The following RPP30 variants were observed in gnomAD, a reference collection of about 807,000 sequenced individuals.
RPP30 encodes ribonuclease P protein subunit p30.
Under a neutral mutation model 38.6 loss-of-function variants are expected in RPP30, and 36 were observed. The observed-to-expected ratio is 0.93, with a 90% confidence interval of 0.71 to 1.23. The LOEUF is 1.23. Among genes scored for constraint, RPP30 ranks in the 50% most tolerant of loss-of-function variants. The probability of loss-of-function intolerance (pLI) is 0.00; values close to 1 mark genes in which losing one functional copy is unlikely to be tolerated. For synonymous variants in RPP30, 126 were observed against 112.7 expected, an observed-to-expected ratio of 1.12 and a Z score of -0.75; for missense variants, 321 against 321.7, an observed-to-expected ratio of 1.00 and a Z score of 0.02.
downstream of RPP30, among the ~76,000 whole-genome samples, chr10:90,906,963 C>T (rs186781442): frequency 2.8e-4 from 42 of 152,272 alleles, no homozygotes; most frequent in Admixed American, 1.9e-3. Context: ...TTTCCCCCAA[C>T]GTGTTTATCT....
chr10:90,885,077 A>T (rs1846980553), intron 5 of RPP30, among the ~76,000 whole-genome samples: 2 of 151,950 alleles, frequency 1.3e-5, no homozygotes, highest in Admixed American at 1.3e-4. Context: ...ATTTATCCTG[A>T]TTTTCTTATC....
chr10:90,875,572 A>G lies in RPP30; in HGVS notation c.153A>G (p.Pro51=). Residue 51 remains proline (P), a synonymous_variant, in exon 3 of 11, where the codon CCA becomes CCG. Transcript: ENST00000371703. ...GTTTGTTGTAGGAAATTGAAAAACCAGTAGCTGTTTCTGAACTCTTCACAA... is the reference window on the plus strand; with the variant it reads ...GTTTGTTGTAGGAAATTGAAAAACCGGTAGCTGTTTCTGAACTCTTCACAA... The part of the protein sequence containing the change: ...FKEKKQEIEK[P]VAVSELFTTL... 1 of 1,613,550 alleles carries G rather than the reference A, an allele frequency of 6.2e-7. No homozygotes were observed. Among genetic ancestry groups the G allele is most frequent in the Non-Finnish European group, 8.5e-7 (1 of 1,179,582 alleles).
In RPP30 at chr10:90,894,759, T is replaced by C. The variant is rs1484587760; in HGVS notation, c.433-16T>C. The C allele has an allele frequency of 6.3e-7, 1 of 1,584,440 alleles. No individual in the cohort carries two copies. Among genetic ancestry groups the C allele is most frequent in the Admixed American group, 1.7e-5 (1 of 59,758 alleles). The stretch of plus-strand genomic sequence containing the variant: ...TGCATGCTTATCTCTGACAGTTCTC[T>C]TTATTTCCTGTGAAGGCGATTGACC... On this transcript the variant is annotated splice_polypyrimidine_tract_variant and intron_variant, in intron 6 of 10. Transcript: ENST00000371703.
intron 1 of RPP30, among the ~76,000 whole-genome samples, chr10:90,873,648 C>T (rs192816383): frequency 2.6e-5 from 4 of 152,180 alleles, no homozygotes; most frequent in Admixed American, 6.5e-5. Flanking sequence ...TTCTGTAGAA[C>T]GGTAGGGACA....
chr10:90,891,581 G>A (rs1328488222), intron 6 of RPP30, among the ~76,000 whole-genome samples: 6 of 152,156 alleles, frequency 3.9e-5, no homozygotes, highest in Admixed American at 6.5e-5. Context: ...ACCACCCAAA[G>A]GCTCTCAGTA....
downstream of RPP30, chr10:90,903,113 TAAC>T (rs1847221119): frequency 1.0e-5 from 8 of 766,912 alleles, no homozygotes. Flanking sequence ...ATGAGAAGGA[TAAC>T]AAATTTGGGG....
At chr10:90,874,831 GT>G in intron 1 of RPP30, 37 bp from the exon 2 acceptor site, 1 of 1,447,418 alleles carries the variant, frequency 6.9e-7, no homozygotes, top group Non-Finnish European at 9.6e-7. Flanking sequence ...AGGAGAGGTT[GT>G]TATATTTAAC....
chr10:90,906,293 T>C (rs970726867), downstream of RPP30, among the ~76,000 whole-genome samples: 1 of 152,086 alleles, frequency 6.6e-6, no homozygotes, highest in Non-Finnish European at 1.5e-5. Flanking sequence ...TGTGATGGCG[T>C]GGAGTGGGCT....
At chr10:90,893,855 T>C (rs1847109550) in intron 6 of RPP30, among the ~76,000 whole-genome samples, 1 of 152,254 alleles carries the variant, frequency 6.6e-6, no homozygotes, top group Admixed American at 6.5e-5. Context: ...TCTCAGCTTT[T>C]GCACGTAGTG....
At chr10:90,879,828 T>C (rs532467656) in intron 5 of RPP30, among the ~76,000 whole-genome samples, 21 of 152,330 alleles carry the variant, frequency 1.4e-4, no homozygotes, top group Non-Finnish European at 5.9e-5. Flanking sequence ...ACAACTGTAA[T>C]GCATTTTACT....
chr10:90,907,332 G>A (rs947885856), downstream of RPP30, among the ~76,000 whole-genome samples: 2 of 152,204 alleles, frequency 1.3e-5, no homozygotes, highest in African/African-American at 4.8e-5. Context: ...TGTGGGGAAG[G>A]TAGAGGGGCC....
At chr10:90,899,626 T>G (rs1847179228) in intron 10 of RPP30, among the ~76,000 whole-genome samples, 1 of 152,224 alleles carries the variant, frequency 6.6e-6, no homozygotes, top group African/African-American at 2.4e-5. Flanking sequence ...ATCAGCCATA[T>G]TGTCCCCTAA....
chr10:90,881,294 CTG>C (rs1285514737), intron 5 of RPP30, among the ~76,000 whole-genome samples: 1 of 152,180 alleles, frequency 6.6e-6, no homozygotes, highest in Non-Finnish European at 1.5e-5. Context: ...ATGGAGAAAA[CTG>C]AGATTCAGGC....
At chr10:90,891,823 T>C (rs1361815990) in intron 6 of RPP30, among the ~76,000 whole-genome samples, 1 of 152,158 alleles carries the variant, frequency 6.6e-6, no homozygotes, top group Non-Finnish European at 1.5e-5. Flanking sequence ...GAGGAAGGGA[T>C]AGGGCAGATA....
downstream of RPP30, chr10:90,905,266 G>A (rs976597105): frequency 5.9e-5 from 9 of 152,122 alleles, no homozygotes; most frequent in Non-Finnish European, 1.0e-4. Context: ...TGCTTCAGAT[G>A]TTGGGTACTA....
chr10:90,906,077 G>T (rs1847251485), downstream of RPP30: 1 of 152,226 alleles, frequency 6.6e-6, no homozygotes, highest in African/African-American at 2.4e-5. Flanking sequence ...TATTGGTGAT[G>T]TGTTGCTTCC....
At chr10:90,896,187 C>CT (rs1192905066) in intron 9 of RPP30, 126 bp from the exon 10 acceptor site, 1 of 796,248 alleles carries the variant, frequency 1.3e-6, no homozygotes, top group Non-Finnish European at 2.1e-6. Flanking sequence ...TCCAGTTGGA[C>CT]TAAGAACTGC....
At chr10:90,877,731 T>C (rs1437903823) in intron 4 of RPP30, among the ~76,000 whole-genome samples, 1 of 152,230 alleles carries the variant, frequency 6.6e-6, no homozygotes, top group African/African-American at 2.4e-5. Flanking sequence ...ACTGTGCTGC[T>C]GACTTTGCTT....
At chr10:90,896,450 C>A in intron 10 of RPP30, 58 bp downstream of exon 10, 1 of 1,365,096 alleles carries the variant, frequency 7.3e-7, no homozygotes, top group South Asian at 1.2e-5. Flanking sequence ...GTCATTTTTA[C>A]AGCCATACCT....
Sources: allele counts gnomAD v4.1 joint callset (sites outside exome capture counted in the v4.1 genomes callset), GRCh38; gene constraint gnomAD v4.1.1; transcripts MANE v1.5; gene names NCBI Gene and HGNC (gene_info 2026-07-23, HGNC 2026-07-21).